Variants in TJP2 observed in about 807,000 individuals in gnomAD.
The protein encoded by TJP2 is Friedreich ataxia region gene X104 (tight junction protein ZO-2).
Under a neutral mutation model 133.1 loss-of-function variants are expected in TJP2, and 91 were observed. The observed-to-expected ratio is 0.68, with a 90% CI of 0.58 to 0.81. The LOEUF is 0.81. Ranked by LOEUF, TJP2 falls within the 40% of genes least tolerant of loss-of-function variation. The probability of loss-of-function intolerance (pLI) is 0.00; values close to 1 mark genes in which losing one functional copy is unlikely to be tolerated. For missense variants in TJP2, 1,541 were observed against 1,565.6 expected (o/e 0.98, Z 0.26); for synonymous variants, 592 against 583.4 (o/e 1.01, Z -0.21).
rs41305541 is a variant in TJP2, at chr9:69,220,859, G to A, written c.343-28G>A. On this transcript the variant is annotated intron_variant, in intron 4 of 22. Transcript: ENST00000377245. The stretch of plus-strand genomic sequence containing the variant: ...CCACATTCAGTTGTGATTGTCCTGC[G>A]TCCACACTGAGTTTGTTTTGACAAC... 0.038 allele frequency: 60,640 copies of A among 1,607,262 alleles called. 4,562 individuals carry two copies. Among genetic ancestry groups the A allele is most frequent in the African/African-American group, 0.3 (22,719 of 74,796 alleles).
In TJP2 at chr9:69,252,812, C is replaced by G; in HGVS notation, c.3322-3C>G. 6.2e-7 allele frequency: 1 copy of G among 1,613,964 alleles called. No individual in the cohort carries two copies. Among genetic ancestry groups the G allele is most frequent in the Non-Finnish European group, 8.5e-7 (1 of 1,179,878 alleles). ...TTATTCTTTTCTTTTTTAATTACCA[C>G]AGATCGAAATTGCCCAGAAGCATCC... On this transcript the variant is annotated splice_polypyrimidine_tract_variant and splice_region_variant and intron_variant, in intron 21 of 22. Transcript: ENST00000377245.
At chr9:69,151,754 C>T (rs1234648238) in exon 2 of TJP2, 1 of 1,232,062 alleles carries the variant, frequency 8.1e-7, no homozygotes, top group African/African-American at 1.6e-5. Context: ...TGTACCAGTA[C>T]ACGGCCCACG....
In TJP2 at chr9:69,246,700, C is replaced by G; in HGVS notation, c.2577C>G (p.Asn859Lys). ...TCAHLFTATI[N>K]LNSANDSWFG... ...TTTATATTTCTATAGCTACAATCAA[C>G]CTAAATTCAGCCAATGATAGCTGGT... is the stretch of plus-strand genomic sequence containing the variant. Residue 859 changes from asparagine (N) to lysine (K), a missense_variant, in exon 18 of 23, where the codon AAC becomes AAG. Asn to Lys is a moderately conservative substitution (Grantham distance 94). Coordinates refer to ENST00000377245, the MANE Select transcript of TJP2 (RefSeq NM_004817.4). 2 of 1,613,966 alleles carry G rather than the reference C, an allele frequency of 1.2e-6. No homozygotes were observed. Among genetic ancestry groups the G allele is most frequent in the South Asian group, 1.1e-5 (1 of 91,080 alleles).
chr9:69,136,523 A>G (rs1463420364), intron 1 of TJP2, among the ~76,000 whole-genome samples: 1 of 152,232 alleles, frequency 6.6e-6, no homozygotes. Context: ...AGAACCATTT[A>G]TGTAAAAAAG....
At chr9:69,136,931 C>T (rs571010032) in intron 1 of TJP2, among the ~76,000 whole-genome samples, 1 of 152,168 alleles carries the variant, frequency 6.6e-6, no homozygotes, top group Non-Finnish European at 1.5e-5. Context: ...CCTCCTGTCT[C>T]CGAGGAAGCA....
chr9:69,251,473 C>A, intron 21 of TJP2, 109 bp downstream of exon 21: 2 of 1,196,082 alleles, frequency 1.7e-6, no homozygotes, highest in Non-Finnish European at 2.4e-6. Context: ...CAGGGATGCA[C>A]TGCACCAAAG....
At chr9:69,214,796 C>T (rs934712359) in intron 2 of TJP2, among the ~76,000 whole-genome samples, 3 of 148,342 alleles carry the variant, frequency 2.0e-5, no homozygotes, top group Admixed American at 1.4e-4. Flanking sequence ...TCACTTGAAC[C>T]TAGGAGGCAG....
chr9:69,239,195 T>A (rs750859361), intron 16 of TJP2, among the ~76,000 whole-genome samples: 36 of 150,602 alleles, frequency 2.4e-4, no homozygotes, highest in Admixed American at 4.0e-4. Context: ...CTCAAAAAAA[T>A]ATATATATAA....
intron 1 of TJP2, among the ~76,000 whole-genome samples, chr9:69,189,103 A>T (rs1024207023): frequency 3.9e-5 from 6 of 152,216 alleles, no homozygotes; most frequent in African/African-American, 1.4e-4. Context: ...TCTACTATCT[A>T]ACTGACACCA....
intron 1 of TJP2, chr9:69,121,759 A>T (rs1822153472): frequency 6.6e-6 from 1 of 152,016 alleles, no homozygotes; most frequent in Non-Finnish European, 1.5e-5. Context: ...TCCCCGGCCC[A>T]GGTGCTGCCT....
chr9:69,168,285 T>A (rs1234193568), intron 2 of TJP2, among the ~76,000 whole-genome samples: 1 of 152,202 alleles, frequency 6.6e-6, no homozygotes, highest in Non-Finnish European at 1.5e-5. Flanking sequence ...AGCTTTGTTC[T>A]CTATTTCTAG....
chr9:69,250,714 ATCT>A (rs1235846390), intron 20 of TJP2, among the ~76,000 whole-genome samples: 2 of 152,156 alleles, frequency 1.3e-5, no homozygotes, highest in African/African-American at 4.8e-5. Context: ...TTGTTCTGAG[ATCT>A]TCTCCAAGAT....
chr9:69,156,066 A>G (rs111537006), intron 2 of TJP2, among the ~76,000 whole-genome samples: 3,367 of 152,316 alleles, frequency 0.022, 137 homozygotes, highest in African/African-American at 0.075. Flanking sequence ...CAAAGTCTCA[A>G]TCAACTTAGA....
rs1218008994 is a variant in TJP2, at chr9:69,240,035, A to T, written c.2454A>T (p.Arg818Ser). The T allele has an allele frequency of 6.2e-7, 1 of 1,614,054 alleles. No homozygotes were observed. Among genetic ancestry groups the T allele is most frequent in the African/African-American group, 1.3e-5 (1 of 74,914 alleles). ...PIVIFFNPDS[R>S]QGVKTMRQRL... ...TGATTTTTTTCAACCCAGACTCCAG[A>T]CAAGGTGTCAAAACCATGAGACAAA... The change falls in exon 17 of 23, where the codon AGA (arginine) becomes AGT (serine). Residue 818 changes from arginine (R) to serine (S), a missense_variant. Coordinates refer to ENST00000377245, the MANE Select transcript of TJP2 (RefSeq NM_004817.4).
chr9:69,130,015 CAAAAA>C (rs11355311), intron 1 of TJP2, among the ~76,000 whole-genome samples: 2 of 94,174 alleles, frequency 2.1e-5, no homozygotes, highest in Non-Finnish European at 2.2e-5. Flanking sequence ...AACTCTGCCT[CAAAAA>C]AAAAAAAAAA....
At chr9:69,248,464 A>G (rs1257735080) in intron 19 of TJP2, 1 of 1,352,828 alleles carries the variant, frequency 7.4e-7, no homozygotes, top group African/African-American at 1.5e-5. Flanking sequence ...CCATGCCCTC[A>G]GGTGCGATGG....
At chr9:69,234,179 T>C (rs1188299223) in intron 11 of TJP2, among the ~76,000 whole-genome samples, 1 of 152,144 alleles carries the variant, frequency 6.6e-6, no homozygotes, top group Non-Finnish European at 1.5e-5. Flanking sequence ...CTTCAATGGC[T>C]TAACCTCTAA....
At chr9:69,204,872 G>T (rs1827273512) in intron 1 of TJP2, 3 of 1,172,080 alleles carry the variant, frequency 2.6e-6, no homozygotes, top group South Asian at 3.0e-5. Context: ...GTGCTTAAAA[G>T]AAATATCTAC....
chr9:69,238,939 A>T lies in TJP2; in HGVS notation c.2355+150A>T, dbSNP rs959948729. On this transcript the variant is annotated intron_variant, in intron 16 of 22. Coordinates refer to ENST00000377245, the MANE Select transcript of TJP2 (RefSeq NM_004817.4). The stretch of plus-strand genomic sequence containing the variant: ...ACAGTGGCTTACACCTGTAATCCCA[A>T]CACTTTGAGAGGCTGAGGCGGGTGG... 4.1e-6 allele frequency: 3 copies of T among 727,558 alleles called. No homozygotes were observed. In the African/African-American group the frequency reaches 5.3e-5, roughly 13 times the overall value. 45.1% of individuals were successfully genotyped at this position (727,558 alleles called of 1,614,324 possible).
Sources: gnomAD v4.1 joint callset for allele counts (sites outside exome capture counted in the v4.1 genomes callset) on GRCh38, gnomAD v4.1.1 for gene constraint, MANE v1.5 for transcripts, NCBI Gene and HGNC (gene_info 2026-07-23, HGNC 2026-07-21) for gene names.